HHIP: variants seen among roughly 807,000 people sequenced by gnomAD.
HHIP encodes hedgehog interacting protein.
Under a neutral mutation model 74.0 loss-of-function variants are expected in HHIP, and 12 were observed. The observed-to-expected ratio is 0.16, with a 90% CI of 0.10 to 0.26. The LOEUF (loss-of-function observed/expected upper bound fraction) is 0.26. Among genes scored for constraint, HHIP ranks in the 10% least tolerant of loss-of-function variants. HHIP has a pLI of 1.00. For missense variants in HHIP, 788 were observed against 845.0 expected, an observed-to-expected ratio of 0.93 and a Z score of 0.84; for synonymous variants, 309 against 311.6, an observed-to-expected ratio of 0.99 and a Z score of 0.09.
intron 1 of HHIP, chr4:144,651,060 A>G (rs1031108912): frequency 2.0e-5 from 3 of 152,152 alleles, no homozygotes; most frequent in Non-Finnish European, 4.4e-5. Context: ...CAGAATTGCT[A>G]TATGATAAAC....
chr4:144,711,962 T>C lies in HHIP; in HGVS notation c.1314T>C (p.Asp438=). The change falls in exon 8 of 13, where the codon GAT becomes GAC. Residue 438 remains aspartate, a synonymous_variant. Coordinates refer to ENST00000296575, the MANE Select transcript of HHIP (RefSeq NM_022475.3). The stretch of plus-strand genomic sequence containing the variant: ...TCTTGTTATGCAGATGTGCTGTGGA[T>C]AGACATCCCACTGATATAAACATCA... ...GLHDPGRCAV[D]RHPTDININL... 1.2e-6 allele frequency: 2 copies of C among 1,612,070 alleles called. No individual in the cohort carries two copies. The highest frequency in any genetic ancestry group is 4.5e-5 in the East Asian group (2 of 44,828).
At chr4:144,736,700 A>G (rs1731130399) in intron 12 of HHIP, among the ~76,000 whole-genome samples, 1 of 152,232 alleles carries the variant, frequency 6.6e-6, no homozygotes, top group Non-Finnish European at 1.5e-5. Context: ...TTTTACACTG[A>G]ATCAATTTAA....
At position 144,734,903 on chromosome 4, in the gene HHIP, T is replaced by G; in HGVS notation, c.1909+14T>G. On this transcript the variant is annotated intron_variant, in intron 12 of 12. Coordinates refer to ENST00000296575, the MANE Select transcript of HHIP (RefSeq NM_022475.3). ...TCTGCAGAACTGGTTAGTATTTCTGTTTTCACCTGAAAAGGACTGGGGATG... is the reference window on the plus strand; with the variant it reads ...TCTGCAGAACTGGTTAGTATTTCTGGTTTCACCTGAAAAGGACTGGGGATG... 1 of 1,591,838 alleles carries G rather than the reference T, an allele frequency of 6.3e-7. No homozygotes were observed. The highest frequency in any genetic ancestry group is 1.3e-5 in the African/African-American group (1 of 74,696).
rs565406782 is a variant in HHIP at position 144,670,879 on chromosome 4, T to C, written c.831+11041T>C. 2.0e-3 allele frequency among the ~76,000 whole-genome samples: 306 copies of C among 152,070 alleles called. 2 individuals carry two copies. Among genetic ancestry groups the C allele is most frequent in the African/African-American group, 7.1e-3 (293 of 41,494 alleles). On this transcript the variant is annotated intron_variant, in intron 4 of 12. Coordinates refer to ENST00000296575, the MANE Select transcript of HHIP (RefSeq NM_022475.3). ...AGGCTTTCTAGGAAAGCTGTGGTGATGAGGCTTCCGTAAGTGCAAATATCT... is the reference window on the plus strand; with the variant it reads ...AGGCTTTCTAGGAAAGCTGTGGTGACGAGGCTTCCGTAAGTGCAAATATCT...
Position 144,677,468 on chromosome 4 carries a change from A to G in HHIP, c.831+17630A>G, listed in dbSNP as rs79135804. Among the ~76,000 whole-genome samples, 409 of 152,294 alleles carry G rather than the reference A, an allele frequency of 2.7e-3. 2 individuals carry two copies. Among genetic ancestry groups the G allele is most frequent in the African/African-American group, 9.3e-3 (388 of 41,560 alleles). On this transcript the variant is annotated intron_variant, in intron 4 of 12. Transcript: ENST00000296575. ...TTCCGTGAGTCTCAACAGCAGTCTC[A>G]TAACAGATGCCACTGGATTGGGCCC...
At chr4:144,647,048 C>A (rs981355148) in intron 1 of HHIP, 94 bp downstream of exon 1, 4 of 1,115,246 alleles carry the variant, frequency 3.6e-6, no homozygotes, top group Non-Finnish European at 5.1e-6. Context: ...GTAAGAAGGT[C>A]AAAACTTCTT....
intron 4 of HHIP, among the ~76,000 whole-genome samples, chr4:144,662,388 A>T (rs563697874): frequency 6.9e-4 from 105 of 152,340 alleles, no homozygotes; most frequent in Non-Finnish European, 1.4e-3. Context: ...ACACACCAAG[A>T]TCGTGCTGCC....
intron 11 of HHIP, among the ~76,000 whole-genome samples, chr4:144,725,664 G>A (rs1279116210): frequency 1.0e-5 from 1 of 100,026 alleles, no homozygotes; most frequent in Non-Finnish European, 1.8e-5. Context: ...GTGCGCGTGC[G>A]TGTGTGTGTG....
At chr4:144,651,237 A>G (rs566809333) in intron 1 of HHIP, among the ~76,000 whole-genome samples, 1 of 152,040 alleles carries the variant, frequency 6.6e-6, no homozygotes, top group Non-Finnish European at 1.5e-5. Flanking sequence ...TTATTTAAAT[A>G]AATTGATAAG....
intron 2 of HHIP, among the ~76,000 whole-genome samples, chr4:144,656,040 T>A (rs1418541370): frequency 6.6e-6 from 1 of 152,160 alleles, no homozygotes; most frequent in African/African-American, 2.4e-5. Context: ...ATTATGATGA[T>A]CCCGAGTGAG....
chr4:144,668,227 G>A (rs533226694), intron 4 of HHIP, among the ~76,000 whole-genome samples: 26 of 151,956 alleles, frequency 1.7e-4, no homozygotes, highest in African/African-American at 5.8e-4. Context: ...TGAGGCAGGA[G>A]AATCACTTGA....
intron 12 of HHIP, among the ~76,000 whole-genome samples, chr4:144,735,270 ACCCTGTAAATGCCCTC>A (rs1731082777): frequency 6.6e-6 from 1 of 152,142 alleles, no homozygotes; most frequent in African/African-American, 2.4e-5. Context: ...TTTTCCAGAC[ACCCTGTAAATGCCCTC>A]CCTGGCTTTA....
chr4:144,675,665 A>C (rs931909833), intron 4 of HHIP, among the ~76,000 whole-genome samples: 2 of 152,150 alleles, frequency 1.3e-5, no homozygotes, highest in African/African-American at 4.8e-5. Flanking sequence ...ATTAAAAAAC[A>C]TTTCATATGT....
intron 4 of HHIP, among the ~76,000 whole-genome samples, chr4:144,660,562 G>A (rs1728684751): frequency 6.6e-6 from 1 of 151,552 alleles, no homozygotes; most frequent in Non-Finnish European, 1.5e-5. Flanking sequence ...GGAAGAACTG[G>A]TTATCCTTTT....
chr4:144,665,910 C>T (rs1221239053), intron 4 of HHIP, among the ~76,000 whole-genome samples: 1 of 152,002 alleles, frequency 6.6e-6, no homozygotes. Context: ...TTTATATTTA[C>T]CTAAGATTTG....
intron 4 of HHIP, among the ~76,000 whole-genome samples, chr4:144,678,455 A>G (rs975528171): frequency 6.6e-6 from 1 of 152,140 alleles, no homozygotes; most frequent in Non-Finnish European, 1.5e-5. Flanking sequence ...GGTTTGTTAC[A>G]TAGGTATACA....
chr4:144,732,502 T>G (rs1431513844), intron 11 of HHIP, among the ~76,000 whole-genome samples: 1 of 152,132 alleles, frequency 6.6e-6, no homozygotes, highest in African/African-American at 2.4e-5. Flanking sequence ...AGCATCAAAT[T>G]GGAGTATCAG....
At position 144,646,647 on chromosome 4, in the gene HHIP, C is replaced by A. The variant is rs771961951; in HGVS notation, c.-29C>A. ...AGTGGCGTTCCCCCCCATCCTCCCGCGCCCAGCCCCTGCTGCTCTGGGCAG... is the reference window on the plus strand; with the variant it reads ...AGTGGCGTTCCCCCCCATCCTCCCGAGCCCAGCCCCTGCTGCTCTGGGCAG... On this transcript the variant is annotated 5_prime_UTR_variant, in exon 1 of 13. Transcript: ENST00000296575. 8 of 1,600,664 alleles carry A rather than the reference C, an allele frequency of 5.0e-6. No individual in the cohort carries two copies. The highest frequency in any genetic ancestry group is 6.0e-6 in the Non-Finnish European group (7 of 1,171,904).
intron 4 of HHIP, among the ~76,000 whole-genome samples, chr4:144,681,490 A>G (rs1277364317): frequency 1.4e-5 from 2 of 145,256 alleles, no homozygotes; most frequent in Non-Finnish European, 3.0e-5. Context: ...CAGTGGCGTA[A>G]TCTCGGCTCA....
Sources: allele counts gnomAD v4.1 joint callset (sites outside exome capture counted in the v4.1 genomes callset), GRCh38; gene constraint gnomAD v4.1.1; transcripts MANE v1.5; gene names NCBI Gene and HGNC (gene_info 2026-07-23, HGNC 2026-07-21).